TRAPPC9: variants seen among roughly 807,000 people sequenced by gnomAD.
The protein encoded by TRAPPC9 is trafficking protein particle complex subunit 9, also known as IKK2 binding protein.
In TRAPPC9, 83 loss-of-function variants were observed where a neutral mutation model predicts 124.0. The observed-to-expected ratio is 0.67, with a 90% CI of 0.56 to 0.80. TRAPPC9 has a LOEUF of 0.80. Ranked by LOEUF, TRAPPC9 falls within the 30% of genes least tolerant of loss-of-function variation. The probability of loss-of-function intolerance (pLI) is 0.00; values close to 1 mark genes in which losing one functional copy is unlikely to be tolerated. For missense variants in TRAPPC9, 1,302 were observed against 1,508.3 expected (o/e 0.86, Z 2.27); for synonymous variants, 638 against 617.5 (o/e 1.03, Z -0.49).
chr8:140,208,840 C>G (rs1286807553), intron 17 of TRAPPC9, among the ~76,000 whole-genome samples: 1 of 151,926 alleles, frequency 6.6e-6, no homozygotes, highest in African/African-American at 2.4e-5. Context: ...ATTTTTTTTT[C>G]AACCAAAGGT....
rs202042166 is a variant in TRAPPC9, at chr8:139,732,133, C to A, written c.3125G>T (p.Arg1042Leu). The part of the protein sequence containing the change: ...VAACQVGDPV[R>L]LEVRLTNRSP... Reference sequence around the variant, plus strand: ...CCGGTTGGTCAGCCGCACCTCCAGGCGCACGGGGTCGCCCACCTGGCAGGC... The same window carrying A: ...CCGGTTGGTCAGCCGCACCTCCAGGAGCACGGGGTCGCCCACCTGGCAGGC... The change falls in exon 22 of 23, where the codon CGC becomes CTC. Residue 1042 changes from arginine (R) to leucine (L), a missense_variant. By Grantham distance (102) the Arg-to-Leu change is moderately radical. Coordinates refer to ENST00000438773, the MANE Select transcript of TRAPPC9 (RefSeq NM_001160372.4). 2 of 1,605,314 alleles carry A rather than the reference C, an allele frequency of 1.2e-6. No homozygotes were observed. Among genetic ancestry groups the A allele is most frequent in the South Asian group, 1.1e-5 (1 of 89,872 alleles).
At chr8:139,937,314 G>A (rs991770706) in intron 19 of TRAPPC9, among the ~76,000 whole-genome samples, 24 of 152,292 alleles carry the variant, frequency 1.6e-4, no homozygotes, top group African/African-American at 4.1e-4. Context: ...ATATGGGTGC[G>A]GGCCCAGAGA....
At chr8:140,280,099 T>C (rs950553678) in intron 14 of TRAPPC9, among the ~76,000 whole-genome samples, 4 of 152,210 alleles carry the variant, frequency 2.6e-5, no homozygotes, top group Non-Finnish European at 2.9e-5. Flanking sequence ...CGTGACACTG[T>C]AGCTGAAGCT....
At chr8:139,846,218 T>TGCC (rs982688661) in intron 21 of TRAPPC9, among the ~76,000 whole-genome samples, 15 of 152,334 alleles carry the variant, frequency 9.8e-5, no homozygotes, top group African/African-American at 3.6e-4. Flanking sequence ...CAAGAACAGA[T>TGCC]GCCGGCCTGC....
intron 17 of TRAPPC9, among the ~76,000 whole-genome samples, chr8:140,036,981 A>T (rs4736131): frequency 0.75 from 114,003 of 151,902 alleles, 43,248 homozygotes; most frequent in Middle Eastern, 0.86. Context: ...TTTCTCCTAA[A>T]GCTATCCCTC....
chr8:139,951,148 A>C (rs2131507014), intron 19 of TRAPPC9, among the ~76,000 whole-genome samples: 1 of 152,220 alleles, frequency 6.6e-6, no homozygotes, highest in African/African-American at 2.4e-5. Flanking sequence ...CTGACACCTC[A>C]CAGAATTGGT....
intron 17 of TRAPPC9, among the ~76,000 whole-genome samples, chr8:140,213,101 G>GC (rs1554644932): frequency 1.3e-5 from 2 of 149,064 alleles, no homozygotes. Flanking sequence ...TTGTTTTTTT[G>GC]TTTTTTTACT....
chr8:140,213,348 A>T (rs557188969), intron 17 of TRAPPC9, among the ~76,000 whole-genome samples: 1 of 152,212 alleles, frequency 6.6e-6, no homozygotes, highest in Non-Finnish European at 1.5e-5. Context: ...TTTATAATAT[A>T]TTCTTATCAT....
chr8:139,996,158 C>CAAAAAAAAAAAA, intron 18 of TRAPPC9, among the ~76,000 whole-genome samples: 8 of 19,422 alleles, frequency 4.1e-4, no homozygotes, highest in Non-Finnish European at 4.3e-4. Context: ...AAAACTTAAG[C>CAAAAAAAAAAAA]AAAAAAAAAA....
chr8:139,940,830 T>A (rs1028367192), intron 19 of TRAPPC9, among the ~76,000 whole-genome samples: 2 of 152,142 alleles, frequency 1.3e-5, no homozygotes, highest in African/African-American at 4.8e-5. Context: ...TAGGGAGGGA[T>A]GAATTCACTC....
chr8:140,161,847 C>A (rs761201309), intron 17 of TRAPPC9, among the ~76,000 whole-genome samples: 1 of 152,000 alleles, frequency 6.6e-6, no homozygotes, highest in Non-Finnish European at 1.5e-5. Flanking sequence ...GGGGGCAGGG[C>A]GCTACAGATG....
At chr8:140,170,886 GA>G (rs1211245234) in intron 17 of TRAPPC9, among the ~76,000 whole-genome samples, 1 of 152,202 alleles carries the variant, frequency 6.6e-6, no homozygotes, top group Non-Finnish European at 1.5e-5. Flanking sequence ...CAGCCTCCAA[GA>G]ACCTCGGGCA....
intron 11 of TRAPPC9, among the ~76,000 whole-genome samples, chr8:140,297,562 T>G (rs1055438828): frequency 6.6e-6 from 1 of 152,230 alleles, no homozygotes; most frequent in Non-Finnish European, 1.5e-5. Context: ...TCTCTTTATT[T>G]TCTTCTCATT....
In TRAPPC9 at chr8:140,380,329, C is replaced by A. The variant is rs140715647; in HGVS notation, c.1135-9149G>T. On this transcript the variant is annotated intron_variant, in intron 7 of 22. Coordinates refer to ENST00000438773, the MANE Select transcript of TRAPPC9 (RefSeq NM_001160372.4). ...GAAAGAATTGTCTTTACAACAAATG[C>A]TGCTTGGACAACTGGATATTCATAT... Among the ~76,000 whole-genome samples the A allele has an allele frequency of 2.5e-3, 385 of 152,290 alleles. 4 individuals are homozygous for A. The highest frequency in any genetic ancestry group is 2.7e-3 in the East Asian group (14 of 5,186).
At chr8:140,370,370 C>A (rs1487176178) in intron 8 of TRAPPC9, among the ~76,000 whole-genome samples, 2 of 152,056 alleles carry the variant, frequency 1.3e-5, no homozygotes, top group African/African-American at 4.8e-5. Context: ...AACTCCTGAC[C>A]TCAAGTGATC....
chr8:140,260,921 T>C lies in TRAPPC9; in HGVS notation c.2279-7992A>G, dbSNP rs148207326. On this transcript the variant is annotated intron_variant, in intron 15 of 22. Coordinates refer to ENST00000438773, the MANE Select transcript of TRAPPC9 (RefSeq NM_001160372.4). Reference sequence around the variant, plus strand: ...GGCTCATGAAGGTGAAGGGAGAGAGTACTTTGAAAAGATATGGCAGAAAAG... The same window carrying C: ...GGCTCATGAAGGTGAAGGGAGAGAGCACTTTGAAAAGATATGGCAGAAAAG... Among the ~76,000 whole-genome samples, 42 of 151,680 alleles carry C rather than the reference T, an allele frequency of 2.8e-4. 1 individual carries two copies. Among genetic ancestry groups the C allele is most frequent in the African/African-American group, 9.7e-4 (40 of 41,326 alleles).
chr8:140,350,834 C>T (rs1363489105), intron 9 of TRAPPC9, among the ~76,000 whole-genome samples: 1 of 152,034 alleles, frequency 6.6e-6, no homozygotes, highest in Non-Finnish European at 1.5e-5. Flanking sequence ...GGGGGCAGAA[C>T]CTGCAGGCCA....
Position 139,744,223 on chromosome 8 carries a change from G to A in TRAPPC9, c.3056-12021C>T, listed in dbSNP as rs183325576. Among the ~76,000 whole-genome samples, 8 of 152,346 alleles carry A rather than the reference G, an allele frequency of 5.3e-5. No homozygotes were observed. The East Asian group carries it at 5.8e-4, about 11-fold the overall frequency. On this transcript the variant is annotated intron_variant, in intron 21 of 22. Coordinates refer to ENST00000438773, the MANE Select transcript of TRAPPC9 (RefSeq NM_001160372.4). ...TCCAGAGAGAGTTTGGAAAAGAAGC[G>A]AGAAGCGTGGATAATGGCCAGGAAA...
At chr8:140,379,035 C>G (rs1392037280) in intron 7 of TRAPPC9, among the ~76,000 whole-genome samples, 1 of 151,882 alleles carries the variant, frequency 6.6e-6, no homozygotes, top group East Asian at 1.9e-4. Context: ...ACAAAAATCA[C>G]TAAGTATTTT....
Sources: gnomAD v4.1 joint callset for allele counts (sites outside exome capture counted in the v4.1 genomes callset) on GRCh38, gnomAD v4.1.1 for gene constraint, MANE v1.5 for transcripts, NCBI Gene and HGNC (gene_info 2026-07-23, HGNC 2026-07-21) for gene names.